TMEM161A: variants seen among roughly 807,000 people sequenced by gnomAD.
TMEM161A encodes transmembrane protein 161A, also known as adaptive response to oxidative stress protein 29.
Under a neutral mutation model 57.1 loss-of-function variants are expected in TMEM161A, and 46 were observed. That is an observed-to-expected ratio of 0.81 (90% confidence interval 0.64 to 1.03). The LOEUF is 1.03. TMEM161A is among the 50% of genes least tolerant of loss of function. The probability of loss-of-function intolerance (pLI) is 0.00; values close to 1 mark genes in which losing one functional copy is unlikely to be tolerated. For synonymous variants in TMEM161A, 288 were observed against 279.0 expected, an observed-to-expected ratio of 1.03 and a Z score of -0.32; for missense variants, 601 against 621.5, an observed-to-expected ratio of 0.97 and a Z score of 0.35.
intron 6 of TMEM161A, among the ~76,000 whole-genome samples, chr19:19,124,256 A>C (rs926051975): frequency 6.6e-6 from 1 of 152,240 alleles, no homozygotes; most frequent in Admixed American, 6.5e-5. Flanking sequence ...AGGGAGATTA[A>C]CTTCTGCTGA....
intron 2 of TMEM161A, 57 bp downstream of exon 2, chr19:19,134,727 G>A (rs1599711667): frequency 7.6e-7 from 1 of 1,309,134 alleles, no homozygotes; most frequent in East Asian, 2.5e-5. Flanking sequence ...CGGGGCGTGG[G>A]GAGCCAGAAG....
In TMEM161A at chr19:19,121,303, C is replaced by A; in HGVS notation, c.914+5G>T. The A allele has an allele frequency of 1.3e-6, 2 of 1,558,774 alleles. No individual in the cohort carries two copies. Among genetic ancestry groups the A allele is most frequent in the Non-Finnish European group, 1.7e-6 (2 of 1,151,040 alleles). Reference sequence around the variant, plus strand: ...AGCTACCTCCTAGCCCCACCCAATACGCACAGGGAGAAACGCGTCTCCCCA... The same window carrying A: ...AGCTACCTCCTAGCCCCACCCAATAAGCACAGGGAGAAACGCGTCTCCCCA... On this transcript the variant is annotated splice_donor_5th_base_variant and intron_variant, in intron 9 of 11. Transcript: ENST00000162044. The surrounding 1 kb of genome is among the most constrained non-coding windows in gnomAD (Gnocchi z 5.8).
chr19:19,130,421 C>T, intron 5 of TMEM161A, 114 bp from the exon 6 acceptor site: 1 of 1,371,576 alleles, frequency 7.3e-7, no homozygotes, highest in Non-Finnish European at 1.0e-6. Flanking sequence ...CACAAATAGG[C>T]CTTGGGGATG....
rs1454910145 is a variant in TMEM161A at position 19,123,929 on chromosome 19, G to A, written c.596-2110C>T. On this transcript the variant is annotated intron_variant, in intron 6 of 11. Transcript: ENST00000162044. ...CCAAAAAATAGCTGGGCATGGTGGC[G>A]GGTAATACCAGCTACTTGGGAGGCT... Among the ~76,000 whole-genome samples, 9 of 152,066 alleles carry A rather than the reference G, an allele frequency of 5.9e-5. No individual in the cohort carries two copies. In the South Asian group the frequency reaches 6.2e-4, roughly 11 times the overall value.
intron 6 of TMEM161A, among the ~76,000 whole-genome samples, chr19:19,127,058 A>G (rs1455233279): frequency 6.6e-6 from 1 of 151,976 alleles, no homozygotes; most frequent in Non-Finnish European, 1.5e-5. Flanking sequence ...TCAAAAATAA[A>G]ATAAAATGGT....
At chr19:19,136,431 T>C (rs2059984792) in intron 1 of TMEM161A, among the ~76,000 whole-genome samples, 1 of 151,914 alleles carries the variant, frequency 6.6e-6, no homozygotes, top group South Asian at 2.1e-4. Context: ...TGAGGCGGGC[T>C]GATCACTTGA....
intron 1 of TMEM161A, among the ~76,000 whole-genome samples, chr19:19,137,694 C>T (rs1568540809): frequency 6.6e-6 from 1 of 152,182 alleles, no homozygotes; most frequent in Non-Finnish European, 1.5e-5. Context: ...CCATCTCCAG[C>T]GCCCCTCCTC....
chr19:19,124,928 C>T (rs1051701927), intron 6 of TMEM161A, among the ~76,000 whole-genome samples: 2 of 151,762 alleles, frequency 1.3e-5, no homozygotes, highest in Non-Finnish European at 2.9e-5. Context: ...GCACTCCAGC[C>T]TGGGTGACAA....
Position 19,121,586 on chromosome 19 carries a change from G to C in TMEM161A, c.739C>G (p.Leu247Val). The change falls in exon 8 of 12, where the codon CTG (leucine) becomes GTG (valine). Residue 247 changes from leucine (L) to valine (V), a missense_variant. Physicochemically the swap from Leu to Val is conservative, Grantham distance 32 (BLOSUM62 1). Coordinates refer to ENST00000162044, the MANE Select transcript of TMEM161A (RefSeq NM_017814.3). This position sits in a 1 kb window ranked among gnomAD's most constrained non-coding sequence, Gnocchi z 5.8. ...TCCCGGTGGGTCTGGGCCAGCCGCA[G>C]GCCTGGGAAGGTGAGGAAGGCACCC... ...VLGAFLTFPG[L>V]RLAQTHRDAL... 6.2e-7 allele frequency: 1 copy of C among 1,613,970 alleles called. No homozygotes were observed. The highest frequency in any genetic ancestry group is 8.5e-7 in the Non-Finnish European group (1 of 1,179,984).
intron 2 of TMEM161A, among the ~76,000 whole-genome samples, chr19:19,133,835 TC>T (rs2146338489): frequency 6.6e-6 from 1 of 152,262 alleles, no homozygotes; most frequent in Admixed American, 6.5e-5. Flanking sequence ...AGTGGCACCA[TC>T]TCAGCTCACT....
intron 1 of TMEM161A, among the ~76,000 whole-genome samples, chr19:19,136,501 C>T (rs1014317335): frequency 6.6e-6 from 1 of 151,598 alleles, no homozygotes; most frequent in African/African-American, 2.4e-5. Flanking sequence ...ACTAAAAATA[C>T]AAAAATTAGC....
At chr19:19,131,532 AAT>A in intron 5 of TMEM161A, among the ~76,000 whole-genome samples, 1 of 133,132 alleles carries the variant, frequency 7.5e-6, no homozygotes, top group South Asian at 2.4e-4. Context: ...ACACACACAC[AAT>A]TTTTTGGGGG....
At chr19:19,133,012 G>A in intron 3 of TMEM161A, 118 bp downstream of exon 3, 1 of 931,926 alleles carries the variant, frequency 1.1e-6, no homozygotes, top group Non-Finnish European at 1.6e-6. Context: ...ATCAGCGCCT[G>A]GAAGTATGGG....
chr19:19,133,950 T>C (rs989503796), intron 2 of TMEM161A, among the ~76,000 whole-genome samples: 2 of 152,150 alleles, frequency 1.3e-5, no homozygotes, highest in African/African-American at 4.8e-5. Flanking sequence ...TTAAAATATT[T>C]TGTAGAGACA....
chr19:19,119,920 C>G lies in TMEM161A; in HGVS notation c.*10G>C. The G allele has an allele frequency of 6.4e-7, 1 of 1,552,312 alleles. No homozygotes were observed. Among genetic ancestry groups the G allele is most frequent in the South Asian group, 1.2e-5 (1 of 84,194 alleles). On this transcript the variant is annotated 3_prime_UTR_variant, in exon 12 of 12. Coordinates refer to ENST00000162044, the MANE Select transcript of TMEM161A (RefSeq NM_017814.3). ...ACAGACCTCAGGGCCCCAGGAGGGT[C>G]TGCAGGCAGCTAGGAGCCTGCCAAG...
chr19:19,134,987 G>T, intron 1 of TMEM161A, 100 bp from the exon 2 acceptor site: 1 of 833,104 alleles, frequency 1.2e-6, no homozygotes, highest in South Asian at 1.6e-5. Context: ...AGGCTGGATG[G>T]GGGAAGGGCG....
Position 19,134,997 on chromosome 19 carries a change from G to A in TMEM161A, c.4-110C>T, listed in dbSNP as rs544516642. 106 of 759,832 alleles carry A rather than the reference G, an allele frequency of 1.4e-4. 1 individual carries two copies. In the African/African-American group the frequency reaches 1.5e-3, roughly 11 times the overall value. 47.1% of individuals were successfully genotyped at this position (759,832 alleles called of 1,614,324 possible). On this transcript the variant is annotated intron_variant, in intron 1 of 11. Coordinates refer to ENST00000162044, the MANE Select transcript of TMEM161A (RefSeq NM_017814.3). Reference sequence around the variant, plus strand: ...AAGTCAGGCTGGATGGGGGAAGGGCGAGCCTCTTAGGCTCTAGCGGCTTCT... The same window carrying A: ...AAGTCAGGCTGGATGGGGGAAGGGCAAGCCTCTTAGGCTCTAGCGGCTTCT...
chr19:19,129,905 C>CA (rs370445317), intron 6 of TMEM161A, among the ~76,000 whole-genome samples: 3,611 of 136,106 alleles, frequency 0.027, 129 homozygotes, highest in African/African-American at 0.091. Flanking sequence ...AACTCCATCT[C>CA]AAAAAAAAAA....
rs1412673510 is a variant in TMEM161A at position 19,120,167 on chromosome 19, G to GC, written c.1202dup (p.Leu402ProfsTer163). The GC allele has an allele frequency of 5.8e-6, 9 of 1,553,890 alleles. No homozygotes were observed. Among genetic ancestry groups the GC allele is most frequent in the African/African-American group, 1.4e-5 (1 of 73,670 alleles). On this transcript the variant is annotated frameshift_variant, in exon 12 of 12. Coordinates refer to ENST00000162044, the MANE Select transcript of TMEM161A (RefSeq NM_017814.3). LOFTEE classifies it low-confidence loss of function (END_TRUNC). ...GGGATAGTAGAGGAGCTGGGCCCAG[G>GC]CCCCAGGAATAGCCTCCTAGGAGAA...
Sources: allele counts gnomAD v4.1 joint callset (sites outside exome capture counted in the v4.1 genomes callset), GRCh38; gene constraint gnomAD v4.1.1; non-coding constraint Gnocchi (gnomAD v3.1); transcripts MANE v1.5; gene names NCBI Gene and HGNC (gene_info 2026-07-23, HGNC 2026-07-21).